The following ADAMTSL1 variants were observed in gnomAD, a reference collection of about 807,000 sequenced individuals.
The protein encoded by ADAMTSL1 is ADAMTS like 1.
ADAMTSL1 carries 126 observed loss-of-function variants against 201.8 expected under a neutral mutation model. The observed-to-expected ratio is 0.62, with a 90% confidence interval of 0.54 to 0.72. The LOEUF (loss-of-function observed/expected upper bound fraction) is 0.72. Among genes scored for constraint, ADAMTSL1 ranks in the 30% least tolerant of loss-of-function variants. The pLI, the probability that ADAMTSL1 is intolerant of heterozygous loss-of-function variation, is 0.00. For synonymous variants in ADAMTSL1, 1,121 were observed against 903.4 expected (o/e 1.24, Z -4.32); for missense variants, 2,679 against 2,277.8 (o/e 1.18, Z -3.59).
intron 2 of ADAMTSL1, among the ~76,000 whole-genome samples, chr9:18,238,937 A>G (rs1338065438): frequency 6.6e-6 from 1 of 152,252 alleles, no homozygotes; most frequent in Non-Finnish European, 1.5e-5. Context: ...CAAAGTTAAT[A>G]TCACAATAAA....
intron 2 of ADAMTSL1, among the ~76,000 whole-genome samples, chr9:18,524,626 G>A (rs1225204203): frequency 6.6e-6 from 1 of 152,100 alleles, no homozygotes; most frequent in Non-Finnish European, 1.5e-5. Context: ...TTGATACCTA[G>A]TTTATTGAGA....
chr9:18,034,935 C>G (rs1482673160), intron 1 of ADAMTSL1, among the ~76,000 whole-genome samples: 2 of 152,140 alleles, frequency 1.3e-5, no homozygotes, highest in Non-Finnish European at 2.9e-5. Flanking sequence ...TCAGATTGTT[C>G]TAGTCTTCAC....
chr9:18,451,149 G>T (rs752728806), intron 2 of ADAMTSL1, among the ~76,000 whole-genome samples: 5 of 152,106 alleles, frequency 3.3e-5, no homozygotes, highest in Non-Finnish European at 7.4e-5. Context: ...TTCTCCTGCC[G>T]TTCAGTTCAA....
intron 2 of ADAMTSL1, among the ~76,000 whole-genome samples, chr9:18,331,992 C>T (rs1835047449): frequency 6.6e-6 from 1 of 152,106 alleles, no homozygotes; most frequent in Non-Finnish European, 1.5e-5. Context: ...GCAAGTAGCC[C>T]ACCAAAATAT....
intron 2 of ADAMTSL1, among the ~76,000 whole-genome samples, chr9:18,468,615 A>C (rs1185347123): frequency 6.6e-6 from 1 of 152,186 alleles, no homozygotes; most frequent in East Asian, 1.9e-4. Flanking sequence ...CAGCAAACAA[A>C]CAAAAAAACC....
intron 23 of ADAMTSL1, among the ~76,000 whole-genome samples, chr9:18,856,374 AAACTT>A (rs1188480960): frequency 3.3e-5 from 5 of 152,128 alleles, no homozygotes; most frequent in Admixed American, 6.5e-5. Context: ...TTGGCTAACT[AAACTT>A]AATTTTAAAG....
intron 1 of ADAMTSL1, among the ~76,000 whole-genome samples, chr9:18,479,451 A>G (rs1389530414): frequency 6.6e-6 from 1 of 152,214 alleles, no homozygotes; most frequent in African/African-American, 2.4e-5. Context: ...TGTAACCTTT[A>G]TTAGGAGAAA....
At chr9:18,187,798 C>G (rs952384740) in intron 2 of ADAMTSL1, among the ~76,000 whole-genome samples, 1 of 152,022 alleles carries the variant, frequency 6.6e-6, no homozygotes, top group Non-Finnish European at 1.5e-5. Context: ...TCTTACAGTT[C>G]ACTTGGACTT....
chr9:18,010,426 C>T (rs1013119357), intron 1 of ADAMTSL1, among the ~76,000 whole-genome samples: 3 of 151,918 alleles, frequency 2.0e-5, no homozygotes, highest in Non-Finnish European at 2.9e-5. Context: ...AGGAACACAT[C>T]GAAATAAAGG....
intron 2 of ADAMTSL1, among the ~76,000 whole-genome samples, chr9:18,359,168 CT>C (rs1586964085): frequency 6.6e-6 from 1 of 152,198 alleles, no homozygotes; most frequent in African/African-American, 2.4e-5. Flanking sequence ...GCTGAAGTGA[CT>C]TTTTTAGTAC....
chr9:18,886,750 G>T (rs1278890842), intron 23 of ADAMTSL1, among the ~76,000 whole-genome samples: 1 of 152,110 alleles, frequency 6.6e-6, no homozygotes, highest in African/African-American at 2.4e-5. Flanking sequence ...CCTCCCAAAG[G>T]CCCCACCCTC....
intron 1 of ADAMTSL1, among the ~76,000 whole-genome samples, chr9:18,127,409 A>C (rs1040580972): frequency 2.0e-5 from 3 of 151,842 alleles, no homozygotes; most frequent in African/African-American, 7.3e-5. Flanking sequence ...TGGAGAAAAA[A>C]TTAATGAGAA....
intron 23 of ADAMTSL1, among the ~76,000 whole-genome samples, chr9:18,830,743 A>C (rs1031056061): frequency 6.6e-6 from 1 of 151,916 alleles, no homozygotes; most frequent in East Asian, 1.9e-4. Flanking sequence ...GGGGTGGGGA[A>C]ATAGGCCTAT....
chr9:18,403,596 G>A (rs879506055), intron 2 of ADAMTSL1, among the ~76,000 whole-genome samples: 1 of 152,076 alleles, frequency 6.6e-6, no homozygotes, highest in Non-Finnish European at 1.5e-5. Flanking sequence ...CACTAAATAG[G>A]TGTTTAATGC....
intron 19 of ADAMTSL1, among the ~76,000 whole-genome samples, chr9:18,794,635 T>G (rs867727142): frequency 4.5e-4 from 48 of 107,662 alleles, no homozygotes; most frequent in East Asian, 6.6e-4. Context: ...TGTTTTTTTT[T>G]GTTGTTGTTG....
At chr9:18,446,883 G>A (rs374977016) in intron 2 of ADAMTSL1, among the ~76,000 whole-genome samples, 4 of 152,168 alleles carry the variant, frequency 2.6e-5, no homozygotes, top group African/African-American at 9.7e-5. Context: ...TCATTGTAAC[G>A]TGATTTCCTA....
chr9:18,520,882 A>G (rs1441153701), intron 2 of ADAMTSL1, among the ~76,000 whole-genome samples: 1 of 152,224 alleles, frequency 6.6e-6, no homozygotes, highest in East Asian at 1.9e-4. Flanking sequence ...CCATGTAGAA[A>G]AGGCAGTGGA....
At chr9:18,501,862 GCA>G (rs1822861399) in intron 1 of ADAMTSL1, among the ~76,000 whole-genome samples, 1 of 152,150 alleles carries the variant, frequency 6.6e-6, no homozygotes, top group Admixed American at 6.5e-5. Flanking sequence ...GACATCGTGG[GCA>G]CTTAATATGT....
At chr9:18,088,166 C>T in intron 1 of ADAMTSL1, among the ~76,000 whole-genome samples, 1 of 152,110 alleles carries the variant, frequency 6.6e-6, no homozygotes, top group East Asian at 1.9e-4. Flanking sequence ...GTCTCTTCAA[C>T]AAATGGCATT....
Sources: gnomAD v4.1 joint callset for allele counts (sites outside exome capture counted in the v4.1 genomes callset) on GRCh38, gnomAD v4.1.1 for gene constraint, MANE v1.5 for transcripts, NCBI Gene and HGNC (gene_info 2026-07-23, HGNC 2026-07-21) for gene names.